Variants in ASTN1 observed in about 807,000 individuals in gnomAD.
The protein encoded by ASTN1 is astrotactin-1.
Under a neutral mutation model 140.7 loss-of-function variants are expected in ASTN1, and 41 were observed. The observed-to-expected ratio is 0.29, with a 90% confidence interval of 0.23 to 0.38. The LOEUF (loss-of-function observed/expected upper bound fraction) is 0.38, where lower values mean the gene tolerates loss of function less well. ASTN1 is among the 10% of genes least tolerant of loss of function. The pLI is 1.00. For synonymous variants in ASTN1, 640 were observed against 652.2 expected, an observed-to-expected ratio of 0.98 and a Z score of 0.29; for missense variants, 1,479 against 1,678.8, an observed-to-expected ratio of 0.88 and a Z score of 2.08.
intron 8 of ASTN1, among the ~76,000 whole-genome samples, chr1:176,979,882 T>C (rs1398972578): frequency 6.6e-6 from 1 of 152,062 alleles, no homozygotes; most frequent in African/African-American, 2.4e-5. Context: ...GAGGGAGAGA[T>C]TGCCAAATTG....
At chr1:176,882,239 C>T (rs1479030614) in intron 20 of ASTN1, among the ~76,000 whole-genome samples, 2 of 152,200 alleles carry the variant, frequency 1.3e-5, no homozygotes, top group Non-Finnish European at 2.9e-5. Context: ...ACTTCAATGC[C>T]ATTGGAGCTA....
intron 4 of ASTN1, 75 bp downstream of exon 4, chr1:177,030,731 T>C: frequency 2.5e-6 from 4 of 1,578,236 alleles, no homozygotes; most frequent in Non-Finnish European, 1.7e-6. Context: ...AGAGAATGGG[T>C]AGAAGATATT....
intron 22 of ASTN1, among the ~76,000 whole-genome samples, chr1:176,866,609 A>T (rs1668133567): frequency 6.6e-6 from 1 of 152,194 alleles, no homozygotes; most frequent in Non-Finnish European, 1.5e-5. Flanking sequence ...GAATGAATTA[A>T]ATTAGTCCAC....
rs894624311 is a variant in ASTN1 at position 177,002,840 on chromosome 1, C to T, written c.1523+11951G>A. On this transcript the variant is annotated intron_variant, in intron 8 of 22. Transcript: ENST00000361833. ...TCACCTTTTTTTAAAATATCCAGTT[C>T]GACCTCTATTCACACAAACTAGAAA... is the stretch of plus-strand genomic sequence containing the variant. 2.5e-3 allele frequency among the ~76,000 whole-genome samples: 383 copies of T among 151,990 alleles called. 9 individuals carry two copies. The highest frequency in any genetic ancestry group is 1.9e-3 in the East Asian group (10 of 5,164).
At chr1:176,884,053 C>T (rs1246678870) in intron 19 of ASTN1, among the ~76,000 whole-genome samples, 3 of 152,090 alleles carry the variant, frequency 2.0e-5, no homozygotes, top group Admixed American at 2.0e-4. Flanking sequence ...TGTGAGTGTG[C>T]CTAGAGGCAA....
intron 2 of ASTN1, among the ~76,000 whole-genome samples, chr1:177,051,660 T>C (rs1418482561): frequency 6.6e-6 from 1 of 152,204 alleles, no homozygotes; most frequent in Non-Finnish European, 1.5e-5. Flanking sequence ...GATTTAAAGA[T>C]GACCTCGGGT....
intron 1 of ASTN1, among the ~76,000 whole-genome samples, chr1:177,095,453 A>G (rs1679984501): frequency 6.6e-6 from 1 of 152,144 alleles, no homozygotes; most frequent in Admixed American, 6.5e-5. Context: ...AAGGGCCTGG[A>G]GGGAAGAACA....
intron 2 of ASTN1, among the ~76,000 whole-genome samples, chr1:177,041,749 A>C (rs1435637844): frequency 6.6e-6 from 1 of 152,234 alleles, no homozygotes. Context: ...GCTAATGACC[A>C]TTAGACTTTA....
chr1:176,965,278 A>G, intron 8 of ASTN1, 41 bp from the exon 9 acceptor site: 3 of 1,599,326 alleles, frequency 1.9e-6, no homozygotes, highest in African/African-American at 1.3e-5. Flanking sequence ...CAACTCAACA[A>G]ATACTCACTG....
chr1:176,923,458 AG>A (rs1670824548), intron 16 of ASTN1, among the ~76,000 whole-genome samples: 3 of 152,220 alleles, frequency 2.0e-5, no homozygotes, highest in Non-Finnish European at 4.4e-5. Context: ...GCCTTAGAGT[AG>A]AATGGGCAAT....
At chr1:177,118,474 C>T (rs1314147145) in intron 1 of ASTN1, among the ~76,000 whole-genome samples, 1 of 152,072 alleles carries the variant, frequency 6.6e-6, no homozygotes, top group Non-Finnish European at 1.5e-5. Flanking sequence ...TTCTTGGTGT[C>T]AGTATGCAAA....
intron 1 of ASTN1, among the ~76,000 whole-genome samples, chr1:177,105,987 C>A (rs1228053964): frequency 6.6e-6 from 1 of 152,102 alleles, no homozygotes. Context: ...CAGAGCGAGA[C>A]CCCATCTCTT....
intron 1 of ASTN1, among the ~76,000 whole-genome samples, chr1:177,164,178 G>A (rs1336984188): frequency 6.6e-6 from 1 of 152,168 alleles, no homozygotes; most frequent in Non-Finnish European, 1.5e-5. Flanking sequence ...GCTGAGAGGA[G>A]GCTCAGCATC....
chr1:176,915,084 C>G lies in ASTN1; in HGVS notation c.2671+19068G>C, dbSNP rs560643329. Among the ~76,000 whole-genome samples, 9 of 152,234 alleles carry G rather than the reference C, an allele frequency of 5.9e-5. No homozygotes were observed. The Middle Eastern group carries it at 0.014, about 230-fold the overall frequency. On this transcript the variant is annotated intron_variant, in intron 16 of 22. Transcript: ENST00000361833. ...TCAACCGTTGAAAACCATTAAAATT[C>G]TAATATTTATTACAAGTACCCAAGG...
At chr1:177,015,257 A>G (rs919867428) in intron 7 of ASTN1, among the ~76,000 whole-genome samples, 3 of 152,244 alleles carry the variant, frequency 2.0e-5, no homozygotes, top group South Asian at 4.1e-4. Context: ...TAAAGACTGC[A>G]TAAGTGAATT....
At chr1:176,877,199 A>C (rs1287528973) in intron 20 of ASTN1, among the ~76,000 whole-genome samples, 2 of 152,238 alleles carry the variant, frequency 1.3e-5, no homozygotes, top group African/African-American at 2.4e-5. Context: ...TGAGAACGAA[A>C]TGAGACAACA....
chr1:177,160,757 G>T (rs1369475860), intron 1 of ASTN1, among the ~76,000 whole-genome samples: 1 of 152,188 alleles, frequency 6.6e-6, no homozygotes, highest in Non-Finnish European at 1.5e-5. Flanking sequence ...TAAATCTCCT[G>T]AGAGGATGCT....
chr1:177,115,700 G>T (rs1490506738), intron 1 of ASTN1, among the ~76,000 whole-genome samples: 1 of 119,674 alleles, frequency 8.4e-6, no homozygotes, highest in African/African-American at 3.5e-5. Context: ...ATAAATAAAT[G>T]TCATGAAAAT....
At chr1:176,896,573 G>T (rs1669515208) in intron 16 of ASTN1, among the ~76,000 whole-genome samples, 1 of 152,156 alleles carries the variant, frequency 6.6e-6, no homozygotes, top group Non-Finnish European at 1.5e-5. Flanking sequence ...GCGAGTGCGG[G>T]TGGGGTGAGG....
Sources: gnomAD v4.1 joint callset for allele counts (sites outside exome capture counted in the v4.1 genomes callset) on GRCh38, gnomAD v4.1.1 for gene constraint, MANE v1.5 for transcripts, NCBI Gene and HGNC (gene_info 2026-07-23, HGNC 2026-07-21) for gene names.